HDAC4: variants seen among roughly 807,000 people sequenced by gnomAD.
The protein encoded by HDAC4 is histone deacetylase A.
HDAC4 carries 16 observed loss-of-function variants against 135.1 expected under a neutral mutation model. That is an observed-to-expected ratio of 0.12 (90% CI 0.08 to 0.18). HDAC4 has a LOEUF of 0.18. Ranked by LOEUF, HDAC4 falls within the 10% of genes least tolerant of loss-of-function variation. HDAC4 has a pLI of 1.00. For missense variants in HDAC4, 1,143 were observed against 1,511.8 expected (o/e 0.76, Z 4.05); for synonymous variants, 685 against 653.4 (o/e 1.05, Z -0.74).
intron 3 of HDAC4, among the ~76,000 whole-genome samples, chr2:239,223,548 G>C (rs2047081540): frequency 6.6e-6 from 1 of 152,212 alleles, no homozygotes; most frequent in Non-Finnish European, 1.5e-5. Flanking sequence ...CTCAGTTCCT[G>C]AACCAGTAAC....
chr2:239,381,790 C>A (rs1339025697), intron 1 of HDAC4, among the ~76,000 whole-genome samples: 1 of 152,226 alleles, frequency 6.6e-6, no homozygotes, highest in Non-Finnish European at 1.5e-5. Flanking sequence ...TACCACGCCC[C>A]CAGATGTGAC....
At chr2:239,100,219 C>T (rs2037488601) in intron 16 of HDAC4, among the ~76,000 whole-genome samples, 1 of 152,228 alleles carries the variant, frequency 6.6e-6, no homozygotes, top group Non-Finnish European at 1.5e-5. Context: ...CCTCTGCCTT[C>T]CCTGGGAACT....
rs531705152 is a variant in HDAC4 at position 239,061,316 on chromosome 2, G to A, written c.3003+5406C>T. On this transcript the variant is annotated intron_variant, in intron 24 of 26. Transcript: ENST00000543185. ...GTGGGTGTGCAGATGTGTGGTGTGT[G>A]CATGCACAAGAGGGCATACCTGTGT... is the stretch of plus-strand genomic sequence containing the variant. Among the ~76,000 whole-genome samples the A allele has an allele frequency of 3.3e-5, 5 of 151,678 alleles. No individual in the cohort carries two copies. The South Asian group carries it at 8.4e-4, about 25-fold the overall frequency.
intron 4 of HDAC4, among the ~76,000 whole-genome samples, chr2:239,177,943 G>A (rs868805523): frequency 6.6e-6 from 1 of 152,228 alleles, no homozygotes; most frequent in Admixed American, 6.5e-5. Context: ...CTGACCAGAC[G>A]CCCTGAGAGG....
intron 2 of HDAC4, among the ~76,000 whole-genome samples, chr2:239,323,678 G>A (rs2053384615): frequency 6.6e-6 from 1 of 152,068 alleles, no homozygotes; most frequent in African/African-American, 2.4e-5. Flanking sequence ...GTGGACATGG[G>A]AGAGGTAATG....
intron 12 of HDAC4, among the ~76,000 whole-genome samples, chr2:239,123,280 G>A (rs1177816321): frequency 1.3e-5 from 2 of 152,210 alleles, no homozygotes; most frequent in Non-Finnish European, 2.9e-5. Flanking sequence ...GCAGGCGCCC[G>A]ACACGCCCAC....
intron 1 of HDAC4, among the ~76,000 whole-genome samples, chr2:239,399,867 T>C (rs915970631): frequency 6.6e-6 from 1 of 152,252 alleles, no homozygotes; most frequent in African/African-American, 2.4e-5. Context: ...TGCAACGCTT[T>C]ATTTGAAAAC....
At chr2:239,183,628 C>T (rs531234833) in intron 4 of HDAC4, among the ~76,000 whole-genome samples, 6 of 152,324 alleles carry the variant, frequency 3.9e-5, no homozygotes, top group East Asian at 3.9e-4. Flanking sequence ...AAGGTGTGCA[C>T]GAGGTCTTCC....
chr2:239,120,402 G>GACACACAC lies in HDAC4; in HGVS notation c.1534-5100_1534-5093dup, dbSNP rs912163549. Among the ~76,000 whole-genome samples, 366 of 68,290 alleles carry GACACACAC rather than the reference G, an allele frequency of 5.4e-3. 3 individuals are homozygous for GACACACAC. The highest frequency in any genetic ancestry group is 0.01 in the Middle Eastern group (1 of 98). 44.8% of individuals were successfully genotyped at this position (68,290 alleles called of 152,430 possible). A position where few individuals can be genotyped will look rare whatever the true frequency, so the allele number is the denominator to read the frequency against. ...GCAGAGGCACACACAGACGCACACA[G>GACACACAC]ACACACACACACAGACACAGACAGA... On this transcript the variant is annotated intron_variant, in intron 12 of 26. Transcript: ENST00000543185.
chr2:239,240,295 C>T lies in HDAC4; in HGVS notation c.23-3631G>A, dbSNP rs529505678. The stretch of plus-strand genomic sequence containing the variant: ...TCACCAGGGTGAAATAGACAAGCTG[C>T]GGTACACAGCCAGCTGGAACGCATG... On this transcript the variant is annotated intron_variant, in intron 2 of 26. Coordinates refer to ENST00000543185, the MANE Select transcript of HDAC4 (RefSeq NM_001378414.1). This position sits in a 1 kb window ranked among gnomAD's most constrained non-coding sequence, Gnocchi z 4.5. Among the ~76,000 whole-genome samples the T allele has an allele frequency of 2.0e-5, 3 of 152,172 alleles. No homozygotes were observed. The highest frequency in any genetic ancestry group is 7.2e-5 in the African/African-American group (3 of 41,436).
At chr2:239,183,191 G>A (rs538745303) in intron 4 of HDAC4, among the ~76,000 whole-genome samples, 2 of 152,342 alleles carry the variant, frequency 1.3e-5, no homozygotes, top group South Asian at 4.1e-4. Context: ...TTAAGTTTAC[G>A]TTAAGCGTAC....
At chr2:239,365,648 C>T (rs1454472458) in intron 1 of HDAC4, among the ~76,000 whole-genome samples, 1 of 152,166 alleles carries the variant, frequency 6.6e-6, no homozygotes, top group Non-Finnish European at 1.5e-5. Context: ...GGGACATGGA[C>T]AGACATGCAC....
intron 12 of HDAC4, among the ~76,000 whole-genome samples, chr2:239,118,415 C>T (rs1376332391): frequency 6.6e-6 from 1 of 152,206 alleles, no homozygotes; most frequent in Non-Finnish European, 1.5e-5. Flanking sequence ...GTGTGGGAAC[C>T]AGTAGGCGGC....
In HDAC4 at chr2:239,285,810, G is replaced by T. The variant is rs916691490; in HGVS notation, c.23-49146C>A. Among the ~76,000 whole-genome samples the T allele has an allele frequency of 6.6e-6, 1 of 152,080 alleles. No homozygotes were observed. Among genetic ancestry groups the T allele is most frequent in the Non-Finnish European group, 1.5e-5 (1 of 68,006 alleles). ...GGCAGCGGGTGGAGGACTGCATGGG[G>T]GTCAGGACCGAGGTGAGCCCAGAGC... On this transcript the variant is annotated intron_variant, in intron 2 of 26. Transcript: ENST00000543185. This position sits in a 1 kb window ranked among gnomAD's most constrained non-coding sequence, Gnocchi z 4.5.
intron 7 of HDAC4, among the ~76,000 whole-genome samples, chr2:239,155,886 T>C (rs1251707255): frequency 6.6e-6 from 1 of 152,194 alleles, no homozygotes; most frequent in African/African-American, 2.4e-5. Context: ...CTCCAGCTCC[T>C]GCCCTCACCA....
At position 239,400,404 on chromosome 2, in the gene HDAC4, G is replaced by C. The variant is rs1440421632; in HGVS notation, c.-220+574C>G. Reference sequence around the variant, plus strand: ...GCTCGGGGGGCGCGGGCCCCGCACCGGGAGACGGCGCCGCTGCCTGCCGTG... The same window carrying C: ...GCTCGGGGGGCGCGGGCCCCGCACCCGGAGACGGCGCCGCTGCCTGCCGTG... On this transcript the variant is annotated intron_variant, in intron 1 of 26. Coordinates refer to ENST00000543185, the MANE Select transcript of HDAC4 (RefSeq NM_001378414.1). This position sits in a 1 kb window ranked among gnomAD's most constrained non-coding sequence, Gnocchi z 4.7. 5 of 146,470 alleles carry C rather than the reference G, an allele frequency of 3.4e-5. No individual in the cohort carries two copies. Among genetic ancestry groups the C allele is most frequent in the South Asian group, 2.1e-4 (1 of 4,768 alleles). 9.1% of individuals were successfully genotyped at this position (146,470 alleles called of 1,614,324 possible).
At chr2:239,234,483 T>C (rs1177478038) in intron 3 of HDAC4, among the ~76,000 whole-genome samples, 1 of 152,150 alleles carries the variant, frequency 6.6e-6, no homozygotes, top group East Asian at 1.9e-4. Context: ...GTCCAGGCCT[T>C]GAACGGGGAT....
intron 2 of HDAC4, among the ~76,000 whole-genome samples, chr2:239,314,144 C>CCCAGCA (rs2053014869): frequency 6.6e-6 from 1 of 152,128 alleles, no homozygotes; most frequent in South Asian, 2.1e-4. Context: ...ACAGGCATGT[C>CCCAGCA]CCAGGTGGCA....
rs141797901 is a variant in HDAC4 at position 239,061,232 on chromosome 2, C to T, written c.3003+5490G>A. On this transcript the variant is annotated intron_variant, in intron 24 of 26. Coordinates refer to ENST00000543185, the MANE Select transcript of HDAC4 (RefSeq NM_001378414.1). ...TGTGCGTGTGTGGTGTGTGTGTGCA[C>T]GTGAGACTGTGTGGTGCATTCATGA... Among the ~76,000 whole-genome samples, 374 of 150,470 alleles carry T rather than the reference C, an allele frequency of 2.5e-3. 1 individual carries two copies. The highest frequency in any genetic ancestry group is 8.7e-3 in the African/African-American group (356 of 40,882).
Sources: allele counts gnomAD v4.1 joint callset (sites outside exome capture counted in the v4.1 genomes callset), GRCh38; gene constraint gnomAD v4.1.1; non-coding constraint Gnocchi (gnomAD v3.1); transcripts MANE v1.5; gene names NCBI Gene and HGNC (gene_info 2026-07-23, HGNC 2026-07-21).